R3HDM2: variants seen among roughly 807,000 people sequenced by gnomAD.
R3HDM2 encodes R3H domain-containing protein 2.
Under a neutral mutation model 124.5 loss-of-function variants are expected in R3HDM2, and 38 were observed. That is an observed-to-expected ratio of 0.31 (90% CI 0.24 to 0.40). The LOEUF is 0.40. Ranked by LOEUF, R3HDM2 falls within the 10% of genes least tolerant of loss-of-function variation. The pLI is 1.00. For missense variants in R3HDM2, 869 were observed against 1,236.9 expected, an observed-to-expected ratio of 0.70 and a Z score of 4.46; for synonymous variants, 391 against 448.0, an observed-to-expected ratio of 0.87 and a Z score of 1.61.
chr12:57,364,723 G>A (rs1414287004), intron 2 of R3HDM2, among the ~76,000 whole-genome samples: 2 of 151,776 alleles, frequency 1.3e-5, no homozygotes, highest in Non-Finnish European at 2.9e-5. Context: ...GGGAGGCCGA[G>A]GCGGGCGGAT....
intron 2 of R3HDM2, among the ~76,000 whole-genome samples, chr12:57,336,758 C>T (rs966361589): frequency 6.6e-6 from 1 of 151,616 alleles, no homozygotes; most frequent in Admixed American, 6.6e-5. Flanking sequence ...TAACAAACCC[C>T]TGTGATACAT....
chr12:57,370,295 A>T (rs2063161808), intron 2 of R3HDM2, among the ~76,000 whole-genome samples: 1 of 151,612 alleles, frequency 6.6e-6, no homozygotes, highest in Admixed American at 6.6e-5. Flanking sequence ...CATGACAGTA[A>T]GTTTCCTGAG....
chr12:57,262,311 T>C (rs905141510), intron 19 of R3HDM2, among the ~76,000 whole-genome samples: 3 of 152,186 alleles, frequency 2.0e-5, no homozygotes, highest in African/African-American at 7.2e-5. Flanking sequence ...TCTGTATGCA[T>C]TTCACTCTGT....
At chr12:57,377,292 C>G (rs887815322) in intron 2 of R3HDM2, among the ~76,000 whole-genome samples, 4 of 152,066 alleles carry the variant, frequency 2.6e-5, no homozygotes, top group South Asian at 4.1e-4. Context: ...CACTGAAACT[C>G]CTTCTGCTTG....
At position 57,392,320 on chromosome 12, in the gene R3HDM2, G is replaced by A. The variant is rs146422803; in HGVS notation, c.-36+3429C>T. ...ACAAATTTTCCATGGACAGTAAGGC[G>A]ATGGTTTCAGGATGAAACTGTTCCA... On this transcript the variant is annotated intron_variant, in intron 2 of 23. Transcript: ENST00000402412. Among the ~76,000 whole-genome samples, 564 of 152,302 alleles carry A rather than the reference G, an allele frequency of 3.7e-3. 1 individual carries two copies. The highest frequency in any genetic ancestry group is 6.4e-3 in the Non-Finnish European group (434 of 68,018).
chr12:57,426,535 CA>C (rs746645802), intron 1 of R3HDM2, among the ~76,000 whole-genome samples: 1 of 152,162 alleles, frequency 6.6e-6, no homozygotes, highest in Non-Finnish European at 1.5e-5. Context: ...ACTGAAAACT[CA>C]AAGTGGAACC....
At chr12:57,355,142 T>A (rs2061115964) in intron 2 of R3HDM2, among the ~76,000 whole-genome samples, 1 of 152,008 alleles carries the variant, frequency 6.6e-6, no homozygotes, top group African/African-American at 2.4e-5. Context: ...GTTTTTAGTA[T>A]ACGGTTTATC....
chr12:57,381,529 A>G (rs57414220), intron 2 of R3HDM2, among the ~76,000 whole-genome samples: 3,974 of 139,098 alleles, frequency 0.029, 197 homozygotes, highest in African/African-American at 0.097. Context: ...TGGGCGACAG[A>G]ACAAGACTCC....
At chr12:57,315,606 C>G (rs1436215407) in intron 2 of R3HDM2, among the ~76,000 whole-genome samples, 1 of 152,142 alleles carries the variant, frequency 6.6e-6, no homozygotes, top group Non-Finnish European at 1.5e-5. Flanking sequence ...ATCTGGATAC[C>G]TGGAATAATA....
At chr12:57,352,339 G>C (rs2060776622) in intron 2 of R3HDM2, among the ~76,000 whole-genome samples, 1 of 151,722 alleles carries the variant, frequency 6.6e-6, no homozygotes, top group African/African-American at 2.4e-5. Flanking sequence ...CAAACAAATG[G>C]AGTCATAGAT....
Position 57,292,566 on chromosome 12 carries a change from A to G in R3HDM2, c.906+6T>C. 1 of 1,542,616 alleles carries G rather than the reference A, an allele frequency of 6.5e-7. No individual in the cohort carries two copies. Among genetic ancestry groups the G allele is most frequent in the Non-Finnish European group, 8.8e-7 (1 of 1,139,828 alleles). Reference sequence around the variant, plus strand: ...TGGGCTGACAACTCTCAGATGCTACACTTACCTCTCGGGCAAATATTCTCT... The same window carrying G: ...TGGGCTGACAACTCTCAGATGCTACGCTTACCTCTCGGGCAAATATTCTCT... On this transcript the variant is annotated splice_donor_region_variant and intron_variant, in intron 11 of 23. Transcript: ENST00000402412.
At chr12:57,307,786 A>G (rs1262827151) in intron 3 of R3HDM2, among the ~76,000 whole-genome samples, 1 of 151,340 alleles carries the variant, frequency 6.6e-6, no homozygotes, top group Non-Finnish European at 1.5e-5. Flanking sequence ...CCACATGCCC[A>G]GCTCAGAAGC....
chr12:57,348,247 G>A (rs1443191924), intron 2 of R3HDM2, among the ~76,000 whole-genome samples: 1 of 151,946 alleles, frequency 6.6e-6, no homozygotes, highest in Non-Finnish European at 1.5e-5. Flanking sequence ...AACATGGCGA[G>A]ACCTCGTCTC....
chr12:57,310,822 T>G (rs1182590709), intron 2 of R3HDM2, among the ~76,000 whole-genome samples: 2 of 152,194 alleles, frequency 1.3e-5, no homozygotes, highest in Non-Finnish European at 2.9e-5. Flanking sequence ...ACTACTGATC[T>G]GTTCTGTCAC....
chr12:57,412,175 A>G (rs2069065034), intron 1 of R3HDM2, among the ~76,000 whole-genome samples: 1 of 152,226 alleles, frequency 6.6e-6, no homozygotes, highest in African/African-American at 2.4e-5. Context: ...CTAACTTCAT[A>G]TGAGTTCTAG....
At chr12:57,342,550 TCTC>T (rs1220700938) in intron 2 of R3HDM2, among the ~76,000 whole-genome samples, 1 of 151,932 alleles carries the variant, frequency 6.6e-6, no homozygotes, top group Non-Finnish European at 1.5e-5. Context: ...CACCTCCTCT[TCTC>T]GCTCTCATTC....
At position 57,298,126 on chromosome 12, in the gene R3HDM2, T is replaced by C. The variant is rs1275322316; in HGVS notation, c.464A>G (p.His155Arg). 2 of 1,551,196 alleles carry C rather than the reference T, an allele frequency of 1.3e-6. No homozygotes were observed. Among genetic ancestry groups the C allele is most frequent in the African/African-American group, 1.4e-5 (1 of 72,996 alleles). The change falls in exon 7 of 24, where the codon CAT becomes CGT. Residue 155 changes from histidine to arginine, a missense_variant. By Grantham distance (29) the His-to-Arg change is conservative. Transcript: ENST00000402412. ...TTTCAGTGTATTTACAAGAAATTCATGTAGGTCTATTCCAGTGGAGTCCGT... is the reference window on the plus strand; with the variant it reads ...TTTCAGTGTATTTACAAGAAATTCACGTAGGTCTATTCCAGTGGAGTCCGT... ...EYTDSTGIDL[H>R]EFLVNTLKKN...
At chr12:57,284,369 C>T (rs1294975597) in intron 12 of R3HDM2, among the ~76,000 whole-genome samples, 1 of 152,216 alleles carries the variant, frequency 6.6e-6, no homozygotes, top group Non-Finnish European at 1.5e-5. Context: ...CTCTTCCCCA[C>T]CCTCTGAGGG....
Position 57,298,075 on chromosome 12 carries a change from C to T in R3HDM2, c.500+15G>A, listed in dbSNP as rs555534727. 2.0e-6 allele frequency: 3 copies of T among 1,533,718 alleles called. No individual in the cohort carries two copies. Among genetic ancestry groups the T allele is most frequent in the East Asian group, 2.5e-5 (1 of 40,776 alleles). On this transcript the variant is annotated intron_variant, in intron 7 of 23. Transcript: ENST00000402412. ...CCCCTAACCCCTTTTCCTCTTATAC[C>T]CATCATGTTATTACCTTGGGTTCTT...
Sources: gnomAD v4.1 joint callset for allele counts (sites outside exome capture counted in the v4.1 genomes callset) on GRCh38, gnomAD v4.1.1 for gene constraint, MANE v1.5 for transcripts, NCBI Gene and HGNC (gene_info 2026-07-23, HGNC 2026-07-21) for gene names.